DACH2: variants seen among roughly 807,000 people sequenced by gnomAD.
DACH2 encodes dachshund homolog 2.
In DACH2, 17 loss-of-function variants were observed where a neutral mutation model predicts 35.8. That is an observed-to-expected ratio of 0.48 (90% CI 0.33 to 0.71). The LOEUF (loss-of-function observed/expected upper bound fraction) is 0.71, where lower values mean the gene tolerates loss of function less well. Ranked by LOEUF, DACH2 falls within the 30% of genes least tolerant of loss-of-function variation. The pLI, the probability that DACH2 is intolerant of heterozygous loss-of-function variation, is 0.02. For synonymous variants in DACH2, 195 were observed against 177.3 expected (o/e 1.10, Z -0.79); for missense variants, 469 against 472.7 (o/e 0.99, Z 0.07).
chrX:86,308,132 C>T (rs890773828), intron 1 of DACH2, among the ~76,000 whole-genome samples: 11 of 112,114 alleles, frequency 9.8e-5, no homozygotes, highest in African/African-American at 3.6e-4. Context: ...CTGCTCATCG[C>T]ACCTGGGAGG....
At chrX:86,493,472 A>G (rs1273800556) in intron 2 of DACH2, among the ~76,000 whole-genome samples, 1 of 111,923 alleles carries the variant, frequency 8.9e-6, no homozygotes, top group Non-Finnish European at 1.9e-5. Flanking sequence ...ATTCTTAATT[A>G]TACTACTACT....
At chrX:86,240,613 A>G (rs2033145799) in intron 1 of DACH2, among the ~76,000 whole-genome samples, 1 of 109,614 alleles carries the variant, frequency 9.1e-6, no homozygotes, top group South Asian at 4.0e-4. Flanking sequence ...GACTATAAGC[A>G]CATGCTGCCA....
At chrX:86,551,422 A>G (rs2039047296) in intron 3 of DACH2, among the ~76,000 whole-genome samples, 1 of 111,794 alleles carries the variant, frequency 8.9e-6, no homozygotes, top group Non-Finnish European at 1.9e-5. Flanking sequence ...CTTGACTGTC[A>G]CTCTGTGACT....
chrX:86,766,751 T>C (rs2041939274), intron 7 of DACH2, among the ~76,000 whole-genome samples: 1 of 111,959 alleles, frequency 8.9e-6, no homozygotes, highest in Non-Finnish European at 1.9e-5. Flanking sequence ...TCATATTTTC[T>C]CCATGTTATA....
chrX:86,433,132 G>T (rs1381809079), intron 2 of DACH2, among the ~76,000 whole-genome samples: 1 of 111,685 alleles, frequency 9.0e-6, no homozygotes, highest in Non-Finnish European at 1.9e-5. Context: ...AAAGAGTTTA[G>T]TTTTTAAAAG....
At chrX:86,637,204 G>A (rs866345947) in intron 3 of DACH2, among the ~76,000 whole-genome samples, 2 of 5,535 alleles carry the variant, frequency 3.6e-4, no homozygotes, top group Non-Finnish European at 7.6e-4. Flanking sequence ...TTACTGAAAA[G>A]CCAAAAAAAA....
rs148982160 is a variant in DACH2 at position 86,408,134 on chromosome X, T to C, written c.527+31272T>C. ...ATCGTTGTGACTGCACACTATTAAA[T>C]GGTGAGAGATTCTCAGTTGCACCCA... On this transcript the variant is annotated intron_variant, in intron 2 of 11. Transcript: ENST00000373125. Among the ~76,000 whole-genome samples, 530 of 111,683 alleles carry C rather than the reference T, an allele frequency of 4.7e-3. 2 individuals carry two copies. The highest frequency in any genetic ancestry group is 0.017 in the African/African-American group (509 of 30,772).
chrX:86,311,247 AC>A, intron 1 of DACH2, among the ~76,000 whole-genome samples: 1 of 112,038 alleles, frequency 8.9e-6, no homozygotes, highest in Non-Finnish European at 1.9e-5. Context: ...CCATGGACTC[AC>A]GGAATGCCTT....
At chrX:86,636,142 A>G (rs1251044816) in intron 3 of DACH2, among the ~76,000 whole-genome samples, 1 of 111,384 alleles carries the variant, frequency 9.0e-6, no homozygotes, top group East Asian at 2.8e-4. Flanking sequence ...TTACAGGGCT[A>G]CATTAACCAA....
intron 2 of DACH2, among the ~76,000 whole-genome samples, chrX:86,495,867 TACCTTTGATTC>T (rs1265382814): frequency 9.0e-6 from 1 of 110,912 alleles, no homozygotes; most frequent in Non-Finnish European, 1.9e-5. Flanking sequence ...CTATTTAACC[TACCTTTGATTC>T]ATATTTCTTT....
rs185434236 is a variant in DACH2, at chrX:86,472,202, G to A, written c.528-42077G>A. On this transcript the variant is annotated intron_variant, in intron 2 of 11. Transcript: ENST00000373125. ...AACAGCTCTTACTACAACATTGTCTGGGTTGGCCCTTTGTAATCACAAAGA... is the reference window on the plus strand; with the variant it reads ...AACAGCTCTTACTACAACATTGTCTAGGTTGGCCCTTTGTAATCACAAAGA... Among the ~76,000 whole-genome samples the A allele has an allele frequency of 5.4e-3, 604 of 111,699 alleles. 2 individuals carry two copies. Among genetic ancestry groups the A allele is most frequent in the Non-Finnish European group, 9.0e-3 (477 of 53,046 alleles).
intron 9 of DACH2, among the ~76,000 whole-genome samples, chrX:86,814,291 A>G (rs1427801394): frequency 2.7e-5 from 3 of 112,448 alleles, no homozygotes; most frequent in African/African-American, 9.7e-5. Flanking sequence ...GTTTTGAAAT[A>G]TGAATAGTAA....
intron 2 of DACH2, among the ~76,000 whole-genome samples, chrX:86,398,707 A>T (rs2036354330): frequency 8.9e-6 from 1 of 111,835 alleles, no homozygotes; most frequent in African/African-American, 3.3e-5. Context: ...GTTTTGAGTG[A>T]GTTTCTTAAT....
rs1045610904 is a variant in DACH2 at position 86,467,335 on chromosome X, G to A, written c.528-46944G>A. Among the ~76,000 whole-genome samples, 3 of 111,372 alleles carry A rather than the reference G, an allele frequency of 2.7e-5. No homozygotes were observed. In the Admixed American group the frequency reaches 2.9e-4, roughly 11 times the overall value. On this transcript the variant is annotated intron_variant, in intron 2 of 11. Transcript: ENST00000373125. Reference sequence around the variant, plus strand: ...CCAGTCTCTTTCCTAAAGCATACAAGAGTCACCTTTGCTTCATTTCCCAAC... The same window carrying A: ...CCAGTCTCTTTCCTAAAGCATACAAAAGTCACCTTTGCTTCATTTCCCAAC...
At chrX:86,400,307 C>T (rs1368913038) in intron 2 of DACH2, among the ~76,000 whole-genome samples, 1 of 110,292 alleles carries the variant, frequency 9.1e-6, no homozygotes, top group Admixed American at 9.7e-5. Context: ...AAGTTTTTAA[C>T]TTTTTTGCGA....
intron 3 of DACH2, among the ~76,000 whole-genome samples, chrX:86,631,533 G>A (rs2040200942): frequency 1.8e-5 from 2 of 111,909 alleles, no homozygotes; most frequent in Admixed American, 1.9e-4. Flanking sequence ...GATCTAAACT[G>A]CTTTTCATTT....
chrX:86,822,540 G>A lies in DACH2; in HGVS notation c.1750+6441G>A, dbSNP rs141696695. ...ATTGACAGTGGGAACTAAAACACAG[G>A]AATCTTAACTCTCACTCATTTATCT... On this transcript the variant is annotated intron_variant, in intron 11 of 11. Coordinates refer to ENST00000373125, the MANE Select transcript of DACH2 (RefSeq NM_053281.3). Among the ~76,000 whole-genome samples, 417 of 111,722 alleles carry A rather than the reference G, an allele frequency of 3.7e-3. 3 individuals carry two copies. Among genetic ancestry groups the A allele is most frequent in the African/African-American group, 0.013 (395 of 30,800 alleles).
intron 7 of DACH2, among the ~76,000 whole-genome samples, chrX:86,811,420 G>A (rs1259926762): frequency 4.5e-5 from 5 of 111,677 alleles, no homozygotes; most frequent in African/African-American, 1.6e-4. Flanking sequence ...ATAGGAACCA[G>A]AACCAATAGA....
intron 1 of DACH2, among the ~76,000 whole-genome samples, chrX:86,316,893 G>A (rs1264571891): frequency 9.0e-6 from 1 of 110,888 alleles, no homozygotes; most frequent in Non-Finnish European, 1.9e-5. Flanking sequence ...CCGGAGGCAG[G>A]TGGATCGCGA....
Sources: allele counts gnomAD v4.1 joint callset (sites outside exome capture counted in the v4.1 genomes callset), GRCh38; gene constraint gnomAD v4.1.1; transcripts MANE v1.5; gene names NCBI Gene and HGNC (gene_info 2026-07-23, HGNC 2026-07-21).